Variants in VDR observed in about 807,000 individuals in gnomAD.
VDR encodes vitamin D receptor, also known as vitamin D3 receptor.
VDR carries 19 observed loss-of-function variants against 39.7 expected under a neutral mutation model. The observed-to-expected ratio is 0.48, with a 90% CI of 0.33 to 0.70. The LOEUF is 0.70. VDR is among the 30% of genes least tolerant of loss of function. The pLI is 0.02. For missense variants in VDR, 442 were observed against 570.5 expected, an observed-to-expected ratio of 0.77 and a Z score of 2.29; for synonymous variants, 242 against 215.8, an observed-to-expected ratio of 1.12 and a Z score of -1.07.
intron 1 of VDR, among the ~76,000 whole-genome samples, chr12:47,895,954 C>A (rs1055315699): frequency 6.6e-6 from 1 of 152,206 alleles, no homozygotes; most frequent in Non-Finnish European, 1.5e-5. Flanking sequence ...TGGCCCTGGC[C>A]CCCTGACCAG....
chr12:47,861,940 A>G (rs1945633759), intron 4 of VDR, among the ~76,000 whole-genome samples: 2 of 152,254 alleles, frequency 1.3e-5, no homozygotes, highest in Non-Finnish European at 2.9e-5. Context: ...CACAGACATG[A>G]TCAGGTTTGG....
intron 3 of VDR, among the ~76,000 whole-genome samples, chr12:47,875,901 C>T (rs1239230453): frequency 2.6e-5 from 4 of 152,206 alleles, no homozygotes; most frequent in Non-Finnish European, 5.9e-5. Flanking sequence ...CCTCAGGAAG[C>T]TTGTCTAACA....
rs557131664 is a variant in VDR at position 47,841,889 on chromosome 12, C to T, written c.*2857G>A. ...CTTCTCCTTCAGTTATAATGATATA[C>T]CTTAAAAGTTTTACATTTACAAATG... On this transcript the variant is annotated 3_prime_UTR_variant, in exon 10 of 10. Transcript: ENST00000549336. 2.6e-5 allele frequency: 4 copies of T among 152,276 alleles called. No homozygotes were observed. Among genetic ancestry groups the T allele is most frequent in the Non-Finnish European group, 4.4e-5 (3 of 68,030 alleles). The allele number at this position is 152,276 out of a possible 1,614,324, so 9.4% of individuals were successfully genotyped here. A position where few individuals can be genotyped will look rare whatever the true frequency, so the allele number is the denominator to read the frequency against.
intron 4 of VDR, among the ~76,000 whole-genome samples, chr12:47,863,581 A>C (rs970023907): frequency 7.2e-5 from 11 of 152,144 alleles, no homozygotes; most frequent in Admixed American, 2.6e-4. Context: ...AATGTGTGTG[A>C]AGCCTCTTAA....
rs781512710 is a variant in VDR, at chr12:47,846,666, C to T, written c.898G>A (p.Val300Met). 1.9e-6 allele frequency: 3 copies of T among 1,613,586 alleles called. No homozygotes were observed. Among genetic ancestry groups the T allele is most frequent in the Middle Eastern group, 1.8e-4 (1 of 5,682 alleles). Residue 300 changes from valine (V) to methionine (M), a missense_variant, in exon 8 of 10, where the codon GTG (valine) becomes ATG (methionine). Transcript: ENST00000549336. Reference protein sequence around the residue: ...NQDYKYRVSDVTKAGHSLELI... With the variant: ...NQDYKYRVSDMTKAGHSLELI... Reference sequence around the variant, plus strand: ...TGGAGTCTAGGCATACCTTTGGTCACGTCACTGACGCGGTACTTGTAGTCT... The same window carrying T: ...TGGAGTCTAGGCATACCTTTGGTCATGTCACTGACGCGGTACTTGTAGTCT...
At chr12:47,864,968 C>T (rs566983760) in intron 4 of VDR, 79 bp downstream of exon 4, 5 of 1,598,680 alleles carry the variant, frequency 3.1e-6, no homozygotes, top group Non-Finnish European at 4.3e-6. Flanking sequence ...ACCCTCTGCC[C>T]AAACTTGCAG....
chr12:47,891,841 C>T (rs1407151541), intron 1 of VDR, among the ~76,000 whole-genome samples: 7 of 152,216 alleles, frequency 4.6e-5, no homozygotes, highest in African/African-American at 1.7e-4. Flanking sequence ...TGAAGCTTGA[C>T]TACCTCCAGG....
intron 1 of VDR, among the ~76,000 whole-genome samples, chr12:47,894,554 C>T (rs562098353): frequency 6.6e-6 from 1 of 152,338 alleles, no homozygotes; most frequent in East Asian, 1.9e-4. Context: ...ATGCCTCCTG[C>T]TTCCCTTCAC....
intron 1 of VDR, among the ~76,000 whole-genome samples, chr12:47,883,736 A>G (rs113477554): frequency 1.4e-3 from 206 of 152,346 alleles, no homozygotes; most frequent in Admixed American, 2.0e-3. Context: ...TCTAGACCCC[A>G]GCTTTTGTCT....
At chr12:47,851,827 A>G (rs1450515819) in intron 7 of VDR, among the ~76,000 whole-genome samples, 1 of 152,256 alleles carries the variant, frequency 6.6e-6, no homozygotes, top group Non-Finnish European at 1.5e-5. Flanking sequence ...CAGAGAAGCC[A>G]ACCCTAGCAT....
At chr12:47,861,137 C>A (rs933974520) in intron 4 of VDR, among the ~76,000 whole-genome samples, 1 of 152,268 alleles carries the variant, frequency 6.6e-6, no homozygotes, top group Admixed American at 6.5e-5. Flanking sequence ...TAACCACTAG[C>A]CTCTACTGTG....
At chr12:47,890,768 G>A (rs1946354977) in intron 1 of VDR, among the ~76,000 whole-genome samples, 1 of 152,244 alleles carries the variant, frequency 6.6e-6, no homozygotes, top group Non-Finnish European at 1.5e-5. Context: ...ATTGTATGAA[G>A]GGAGTGGGTG....
intron 3 of VDR, among the ~76,000 whole-genome samples, chr12:47,868,391 C>G (rs921927332): frequency 6.6e-6 from 1 of 152,248 alleles, no homozygotes; most frequent in African/African-American, 2.4e-5. Context: ...AGCTCCAAGT[C>G]TAGCCCGCCT....
At chr12:47,874,558 C>T (rs1164028922) in intron 3 of VDR, among the ~76,000 whole-genome samples, 2 of 152,214 alleles carry the variant, frequency 1.3e-5, no homozygotes, top group African/African-American at 4.8e-5. Context: ...CCTCAAGAAC[C>T]TTGGAGCTAG....
intron 4 of VDR, 90 bp downstream of exon 4, chr12:47,864,957 G>T: frequency 6.3e-7 from 1 of 1,592,828 alleles, no homozygotes. Flanking sequence ...AGGGCAGGCA[G>T]ACCCTCTGCC....
chr12:47,853,133 T>C (rs1312150531), intron 7 of VDR, among the ~76,000 whole-genome samples: 1 of 152,204 alleles, frequency 6.6e-6, no homozygotes, highest in Non-Finnish European at 1.5e-5. Context: ...ATCTATTAAA[T>C]GTGTCAATAC....
chr12:47,885,670 G>T (rs559239923), intron 1 of VDR, among the ~76,000 whole-genome samples: 15 of 152,350 alleles, frequency 9.8e-5, no homozygotes, highest in South Asian at 2.1e-4. Flanking sequence ...GCAACTCCAA[G>T]ACTGGAATTC....
Position 47,844,636 on chromosome 12 carries a change from G to T in VDR, c.*110C>A. Reference sequence around the variant, plus strand: ...GGATAGGGGAGGTGGCAGAGGAGGGGCTGAACCCCAGACGGGGTGAGGAGG... The same window carrying T: ...GGATAGGGGAGGTGGCAGAGGAGGGTCTGAACCCCAGACGGGGTGAGGAGG... On this transcript the variant is annotated 3_prime_UTR_variant, in exon 10 of 10. Coordinates refer to ENST00000549336, the MANE Select transcript of VDR (RefSeq NM_000376.3). 2.7e-6 allele frequency: 4 copies of T among 1,480,028 alleles called. No individual in the cohort carries two copies. Among genetic ancestry groups the T allele is most frequent in the Non-Finnish European group, 3.7e-6 (4 of 1,078,666 alleles). The allele number at this position is 1,480,028 out of a possible 1,614,324, so 91.7% of individuals were successfully genotyped here.
intron 3 of VDR, among the ~76,000 whole-genome samples, chr12:47,872,157 C>A (rs1945896621): frequency 6.6e-6 from 1 of 152,216 alleles, no homozygotes; most frequent in Admixed American, 6.5e-5. Flanking sequence ...GAAATGCAGT[C>A]TTTGGTTAGA....
Sources: gnomAD v4.1 joint callset for allele counts (sites outside exome capture counted in the v4.1 genomes callset) on GRCh38, gnomAD v4.1.1 for gene constraint, MANE v1.5 for transcripts, NCBI Gene and HGNC (gene_info 2026-07-23, HGNC 2026-07-21) for gene names.